GRID2: variants seen among roughly 807,000 people sequenced by gnomAD.
GRID2 encodes glutamate receptor ionotropic, delta-2.
A neutral mutation model predicts 114.8 loss-of-function variants in GRID2; 33 were observed. The ratio of observed to expected loss-of-function variants is 0.29; its 90% CI spans 0.22 to 0.38. The LOEUF (loss-of-function observed/expected upper bound fraction) is 0.38. Among genes scored for constraint, GRID2 ranks in the 10% least tolerant of loss-of-function variants. GRID2 has a pLI of 1.00. For missense variants in GRID2, 1,184 were observed against 1,257.7 expected, an observed-to-expected ratio of 0.94 and a Z score of 0.89; for synonymous variants, 505 against 449.9, an observed-to-expected ratio of 1.12 and a Z score of -1.55.
At chr4:92,315,993 C>CAAAAAAAAAAAAAAAAAAAAAAGAAAA (rs778361565) in intron 1 of GRID2, among the ~76,000 whole-genome samples, 1 of 61,914 alleles carries the variant, frequency 1.6e-5, no homozygotes, top group African/African-American at 6.1e-5. Flanking sequence ...AAACAAAAAG[C>CAAAAAAAAAAAAAAAAAAAAAAGAAAA]AAAAAAAAAA....
At chr4:93,197,140 G>A (rs1474455539) in intron 4 of GRID2, among the ~76,000 whole-genome samples, 1 of 152,158 alleles carries the variant, frequency 6.6e-6, no homozygotes, top group African/African-American at 2.4e-5. Flanking sequence ...AGTTAACACA[G>A]TGGAGTATAA....
chr4:92,365,485 C>CTGG (rs751222998), intron 1 of GRID2, among the ~76,000 whole-genome samples: 1,657 of 150,966 alleles, frequency 0.011, 20 homozygotes, highest in African/African-American at 0.035. Flanking sequence ...CTGGGTGGTG[C>CTGG]TGGTGGTGGT....
At chr4:92,385,875 CGTGTGTGTGT>C (rs746827198) in intron 1 of GRID2, among the ~76,000 whole-genome samples, 6 of 137,810 alleles carry the variant, frequency 4.4e-5, no homozygotes, top group African/African-American at 1.6e-4. Flanking sequence ...ATATAATATA[CGTGTGTGTGT>C]GTGTGTGTGT....
At chr4:92,395,054 A>G (rs1463730067) in intron 1 of GRID2, among the ~76,000 whole-genome samples, 1 of 151,634 alleles carries the variant, frequency 6.6e-6, no homozygotes, top group Non-Finnish European at 1.5e-5. Context: ...ATTACCAAGT[A>G]ATTTTAAGTT....
chr4:93,449,259 CT>C (rs1722451952), intron 10 of GRID2, among the ~76,000 whole-genome samples: 1 of 151,944 alleles, frequency 6.6e-6, no homozygotes, highest in Non-Finnish European at 1.5e-5. Flanking sequence ...TGCCAAAACT[CT>C]TCAGTAACTA....
At chr4:93,222,420 A>C (rs562985360) in intron 6 of GRID2, among the ~76,000 whole-genome samples, 1 of 151,592 alleles carries the variant, frequency 6.6e-6, no homozygotes, top group Admixed American at 6.6e-5. Context: ...AGGTAAGGAG[A>C]TAGTGAGGGA....
chr4:93,231,034 A>G (rs1746070734), intron 7 of GRID2, among the ~76,000 whole-genome samples: 1 of 152,028 alleles, frequency 6.6e-6, no homozygotes, highest in Admixed American at 6.6e-5. Flanking sequence ...GTTCTGGAAA[A>G]AAGTAGGAGA....
At chr4:92,612,708 T>C (rs1729815034) in intron 2 of GRID2, among the ~76,000 whole-genome samples, 1 of 151,540 alleles carries the variant, frequency 6.6e-6, no homozygotes, top group African/African-American at 2.4e-5. Flanking sequence ...TTTGATATTG[T>C]GAACGGAATC....
chr4:93,140,356 C>CTACTAA (rs1410410505), intron 4 of GRID2, among the ~76,000 whole-genome samples: 1 of 152,000 alleles, frequency 6.6e-6, no homozygotes, highest in African/African-American at 2.4e-5. Flanking sequence ...GACGGGGTTT[C>CTACTAA]ACCGTGTTAG....
intron 1 of GRID2, among the ~76,000 whole-genome samples, chr4:92,545,013 T>A (rs1444529915): frequency 6.6e-6 from 1 of 152,030 alleles, no homozygotes; most frequent in East Asian, 1.9e-4. Context: ...TTCTAAGCAT[T>A]TGGGGAGCCA....
chr4:93,791,527 A>C (rs1734694400), intron 1 of GRID2, among the ~76,000 whole-genome samples: 1 of 152,240 alleles, frequency 6.6e-6, no homozygotes, highest in Admixed American at 6.5e-5. Context: ...CCAAAAAAAA[A>C]GGAAAGACTA....
intron 11 of GRID2, among the ~76,000 whole-genome samples, chr4:93,484,934 G>C (rs1043365500): frequency 6.6e-6 from 1 of 151,818 alleles, no homozygotes; most frequent in East Asian, 1.9e-4. Flanking sequence ...CATCTAGTGG[G>C]TATGTACCTA....
chr4:93,370,325 G>T (rs1188996149), intron 8 of GRID2, among the ~76,000 whole-genome samples: 1 of 151,718 alleles, frequency 6.6e-6, no homozygotes, highest in Non-Finnish European at 1.5e-5. Context: ...CTTGTCTGCA[G>T]ATTTATCACT....
At chr4:92,504,279 TA>T (rs1324050988) in intron 1 of GRID2, among the ~76,000 whole-genome samples, 1 of 152,048 alleles carries the variant, frequency 6.6e-6, no homozygotes, top group Non-Finnish European at 1.5e-5. Context: ...GATGAGATTC[TA>T]AGAGAAAAGA....
intron 9 of GRID2, among the ~76,000 whole-genome samples, chr4:93,403,054 C>T (rs1374486985): frequency 2.8e-4 from 42 of 152,092 alleles, no homozygotes; most frequent in Admixed American, 2.8e-3. Flanking sequence ...CTCTACTGGG[C>T]AAGCCCTCAC....
intron 2 of GRID2, among the ~76,000 whole-genome samples, chr4:92,878,311 A>G (rs1432329265): frequency 1.4e-5 from 2 of 145,218 alleles, no homozygotes; most frequent in East Asian, 2.3e-4. Context: ...ATCTGTTCCA[A>G]CTGATGGTGA....
chr4:93,785,021 A>G (rs1404602116), intron 1 of GRID2, among the ~76,000 whole-genome samples: 1 of 152,246 alleles, frequency 6.6e-6, no homozygotes, highest in Non-Finnish European at 1.5e-5. Context: ...CAATTTTCAC[A>G]GGTATAGACT....
intron 8 of GRID2, among the ~76,000 whole-genome samples, chr4:93,312,173 C>A (rs538765176): frequency 3.3e-5 from 5 of 152,094 alleles, no homozygotes; most frequent in Admixed American, 1.3e-4. Context: ...CAGGCACAGA[C>A]CATGGCCCTA....
intron 13 of GRID2, among the ~76,000 whole-genome samples, chr4:93,574,850 A>G (rs1736266497): frequency 6.6e-6 from 1 of 152,194 alleles, no homozygotes; most frequent in African/African-American, 2.4e-5. Context: ...AAAGTTGGTG[A>G]GCTAACACAA....
Sources: gnomAD v4.1 joint callset for allele counts (sites outside exome capture counted in the v4.1 genomes callset) on GRCh38, gnomAD v4.1.1 for gene constraint, MANE v1.5 for transcripts, NCBI Gene and HGNC (gene_info 2026-07-23, HGNC 2026-07-21) for gene names.